ARHGAP10: variants seen among roughly 807,000 people sequenced by gnomAD.
ARHGAP10 encodes the protein Rho GTPase activating protein 10.
A neutral mutation model predicts 108.6 loss-of-function variants in ARHGAP10; 87 were observed. That is an observed-to-expected ratio of 0.80 (90% confidence interval 0.67 to 0.96). ARHGAP10 has a LOEUF of 0.96. Ranked by LOEUF, ARHGAP10 falls within the 40% of genes least tolerant of loss-of-function variation. The pLI is 0.00. For synonymous variants in ARHGAP10, 347 were observed against 341.1 expected, an observed-to-expected ratio of 1.02 and a Z score of -0.19; for missense variants, 939 against 954.5, an observed-to-expected ratio of 0.98 and a Z score of 0.21.
At chr4:147,933,882 C>A (rs748101922) in intron 13 of ARHGAP10, among the ~76,000 whole-genome samples, 3 of 152,096 alleles carry the variant, frequency 2.0e-5, no homozygotes, top group Non-Finnish European at 4.4e-5. Context: ...TAGGTCTCAA[C>A]ATGAGATTGT....
chr4:147,741,798 A>ACACG (rs766777155), intron 1 of ARHGAP10, among the ~76,000 whole-genome samples: 3,469 of 57,710 alleles, frequency 0.06, 62 homozygotes, highest in Non-Finnish European at 0.11. Context: ...ACACGCACAC[A>ACACG]CACACACACA....
intron 1 of ARHGAP10, among the ~76,000 whole-genome samples, chr4:147,745,848 G>A (rs1465538362): frequency 2.1e-5 from 3 of 145,458 alleles, no homozygotes; most frequent in East Asian, 2.1e-4. Flanking sequence ...GTGCAGTGGC[G>A]TGATCTCGGT....
intron 13 of ARHGAP10, chr4:147,916,964 G>A (rs1426940634): frequency 6.6e-6 from 1 of 152,128 alleles, no homozygotes; most frequent in East Asian, 1.9e-4. Context: ...TGAACTGAGG[G>A]GAGCCAGGAT....
At chr4:147,967,796 A>G (rs1578742413) in intron 18 of ARHGAP10, among the ~76,000 whole-genome samples, 1 of 151,978 alleles carries the variant, frequency 6.6e-6, no homozygotes, top group Non-Finnish European at 1.5e-5. Flanking sequence ...TAGAGCAATA[A>G]TTTTCAACCC....
chr4:147,917,564 T>A (rs1737039298), intron 13 of ARHGAP10, among the ~76,000 whole-genome samples: 1 of 152,202 alleles, frequency 6.6e-6, no homozygotes, highest in Non-Finnish European at 1.5e-5. Flanking sequence ...CTGCCATAAG[T>A]TAGTTTTTTT....
At chr4:147,980,834 G>A (rs936435260) in intron 18 of ARHGAP10, among the ~76,000 whole-genome samples, 6 of 152,152 alleles carry the variant, frequency 3.9e-5, no homozygotes, top group African/African-American at 1.4e-4. Context: ...AGTGTGCATA[G>A]AGATGTTCAT....
intron 1 of ARHGAP10, among the ~76,000 whole-genome samples, chr4:147,772,056 C>T (rs1730105724): frequency 6.6e-6 from 1 of 152,208 alleles, no homozygotes; most frequent in African/African-American, 2.4e-5. Context: ...TCCTAAAGTG[C>T]TGGGATTACA....
chr4:147,813,140 C>CTT (rs765050643), intron 1 of ARHGAP10, among the ~76,000 whole-genome samples: 10 of 141,500 alleles, frequency 7.1e-5, no homozygotes, highest in African/African-American at 2.3e-4. Flanking sequence ...CTTTAGGAGC[C>CTT]TTTTTTTTTT....
chr4:147,836,639 G>T (rs534073687), intron 3 of ARHGAP10, among the ~76,000 whole-genome samples: 2 of 79,924 alleles, frequency 2.5e-5, no homozygotes, highest in Non-Finnish European at 4.0e-5. Flanking sequence ...AGCTTTGTGC[G>T]TGGGTTCCTT....
intron 19 of ARHGAP10, among the ~76,000 whole-genome samples, chr4:148,029,485 G>A (rs1220698577): frequency 6.6e-6 from 1 of 152,216 alleles, no homozygotes; most frequent in Non-Finnish European, 1.5e-5. Context: ...CTATGTGGAG[G>A]TGTGAGAAGG....
At chr4:147,736,328 CAT>C (rs1578981600) in intron 1 of ARHGAP10, among the ~76,000 whole-genome samples, 1 of 152,124 alleles carries the variant, frequency 6.6e-6, no homozygotes, top group African/African-American at 2.4e-5. Flanking sequence ...TTAGGAAAAA[CAT>C]AAAAGTTCTC....
At chr4:147,879,191 A>C in intron 8 of ARHGAP10, 41 bp from the exon 9 acceptor site, 1 of 1,557,126 alleles carries the variant, frequency 6.4e-7, no homozygotes, top group African/African-American at 1.4e-5. Context: ...AAATCTGCTT[A>C]TTTATGAGGG....
Position 147,966,668 on chromosome 4 carries a change from T to TA in ARHGAP10, c.1557-11dup, listed in dbSNP as rs1711640836. 1 of 1,551,904 alleles carries TA rather than the reference T, an allele frequency of 6.4e-7. No individual in the cohort carries two copies. Among genetic ancestry groups the TA allele is most frequent in the African/African-American group, 1.4e-5 (1 of 73,556 alleles). ...TTGGTTAAACAGATTCCTCCCCCCTTACCAATTTCAGTGTTTCAAATCACT... is the reference window on the plus strand; with the variant it reads ...TTGGTTAAACAGATTCCTCCCCCCTTAACCAATTTCAGTGTTTCAAATCACT... On this transcript the variant is annotated splice_polypyrimidine_tract_variant and intron_variant, in intron 17 of 22. Transcript: ENST00000336498.
At chr4:147,748,052 C>T (rs1325968980) in intron 1 of ARHGAP10, among the ~76,000 whole-genome samples, 1 of 152,122 alleles carries the variant, frequency 6.6e-6, no homozygotes, top group Non-Finnish European at 1.5e-5. Flanking sequence ...TGATCCAGCC[C>T]CAAATGTTCG....
At chr4:148,038,745 T>C (rs1728490881) in intron 19 of ARHGAP10, among the ~76,000 whole-genome samples, 1 of 152,138 alleles carries the variant, frequency 6.6e-6, no homozygotes, top group Admixed American at 6.5e-5. Context: ...CAAGGGGATA[T>C]AGGGGCATGA....
At chr4:148,040,852 G>A (rs1368020932) in intron 19 of ARHGAP10, among the ~76,000 whole-genome samples, 1 of 152,058 alleles carries the variant, frequency 6.6e-6, no homozygotes, top group African/African-American at 2.4e-5. Context: ...GGGAGAGGTA[G>A]GTTTCTCCTT....
chr4:148,035,961 G>T (rs183800279), intron 19 of ARHGAP10, among the ~76,000 whole-genome samples: 4 of 151,730 alleles, frequency 2.6e-5, no homozygotes, highest in Admixed American at 1.3e-4. Context: ...TTTTAAAAAA[G>T]ATATCTCTAG....
At chr4:147,869,998 T>TTTTTTTTG (rs1553958574) in intron 7 of ARHGAP10, among the ~76,000 whole-genome samples, 1 of 93,068 alleles carries the variant, frequency 1.1e-5, no homozygotes, top group African/African-American at 4.4e-5. Context: ...AAGTCCCAGT[T>TTTTTTTTG]TGTGTGTGTG....
chr4:147,756,130 CAAAA>C (rs11355244), intron 1 of ARHGAP10, among the ~76,000 whole-genome samples: 1 of 96,162 alleles, frequency 1.0e-5, no homozygotes, highest in Non-Finnish European at 2.1e-5. Flanking sequence ...TACTAGGAGG[CAAAA>C]AAAAAAAAAA....
Sources: allele counts gnomAD v4.1 joint callset (sites outside exome capture counted in the v4.1 genomes callset), GRCh38; gene constraint gnomAD v4.1.1; transcripts MANE v1.5; gene names NCBI Gene and HGNC (gene_info 2026-07-23, HGNC 2026-07-21).